Variants in ITSN1 observed in about 807,000 individuals in gnomAD.
The protein encoded by ITSN1 is intersectin 1, also known as intersectin-1.
In ITSN1, 58 loss-of-function variants were observed where a neutral mutation model predicts 239.8. The ratio of observed to expected loss-of-function variants is 0.24; its 90% CI spans 0.20 to 0.30. The LOEUF is 0.30. ITSN1 is among the 10% of genes least tolerant of loss of function. The probability of loss-of-function intolerance (pLI) is 1.00; values close to 1 mark genes in which losing one functional copy is unlikely to be tolerated. For missense variants in ITSN1, 1,558 were observed against 2,103.3 expected, an observed-to-expected ratio of 0.74 and a Z score of 5.07; for synonymous variants, 780 against 770.8, an observed-to-expected ratio of 1.01 and a Z score of -0.20.
chr21:33,829,893 G>A, intron 27 of ITSN1, 148 bp downstream of exon 27: 1 of 870,716 alleles, frequency 1.1e-6, no homozygotes, highest in Non-Finnish European at 1.7e-6. Flanking sequence ...AATTTTCTGT[G>A]TTTGTTTGGT....
At chr21:33,800,295 G>A (rs111929804) in intron 19 of ITSN1, among the ~76,000 whole-genome samples, 10 of 151,602 alleles carry the variant, frequency 6.6e-5, no homozygotes, top group African/African-American at 1.2e-4. Context: ...ACTAGTGTGC[G>A]TGTGTATATA....
At chr21:33,653,016 A>G (rs569314349) in intron 1 of ITSN1, among the ~76,000 whole-genome samples, 2 of 139,108 alleles carry the variant, frequency 1.4e-5, no homozygotes, top group Non-Finnish European at 3.1e-5. Context: ...TTTTTTTTTG[A>G]CAGAGTCGTG....
chr21:33,674,144 G>A (rs2090459836), intron 1 of ITSN1, among the ~76,000 whole-genome samples: 2 of 152,164 alleles, frequency 1.3e-5, no homozygotes, highest in African/African-American at 4.8e-5. Flanking sequence ...TTGAAGGCTT[G>A]CCATGTCTCT....
At chr21:33,698,265 T>G (rs2091880852) in intron 1 of ITSN1, among the ~76,000 whole-genome samples, 1 of 152,182 alleles carries the variant, frequency 6.6e-6, no homozygotes, top group African/African-American at 2.4e-5. Flanking sequence ...CCAAGTGATG[T>G]GCTGACAGCT....
At position 33,884,587 on chromosome 21, in the gene ITSN1, C is replaced by T. The variant is rs146796782; in HGVS notation, c.4677-454C>T. On this transcript the variant is annotated intron_variant, in intron 36 of 39. Coordinates refer to ENST00000381318, the MANE Select transcript of ITSN1 (RefSeq NM_003024.3). Reference sequence around the variant, plus strand: ...TCAGAAAAAATGAAGGAGAAAACCGCGGCCACAAATGCCTTCCCCCAAGGC... The same window carrying T: ...TCAGAAAAAATGAAGGAGAAAACCGTGGCCACAAATGCCTTCCCCCAAGGC... Among the ~76,000 whole-genome samples the T allele has an allele frequency of 1.9e-3, 282 of 152,320 alleles. 1 individual carries two copies. The highest frequency in any genetic ancestry group is 1.2e-3 in the Non-Finnish European group (85 of 68,032).
intron 1 of ITSN1, among the ~76,000 whole-genome samples, chr21:33,717,490 C>T (rs1027507405): frequency 2.6e-5 from 4 of 152,224 alleles, no homozygotes; most frequent in Admixed American, 2.0e-4. Context: ...AGCCACTGTG[C>T]CCAGTCAATA....
At chr21:33,665,844 G>A (rs1467996573) in intron 1 of ITSN1, among the ~76,000 whole-genome samples, 1 of 151,880 alleles carries the variant, frequency 6.6e-6, no homozygotes, top group African/African-American at 2.4e-5. Context: ...TACCTTGAAA[G>A]CATGTAGAAT....
At chr21:33,814,899 G>C (rs1181881973) in intron 22 of ITSN1, among the ~76,000 whole-genome samples, 1 of 152,178 alleles carries the variant, frequency 6.6e-6, no homozygotes, top group African/African-American at 2.4e-5. Context: ...AGGCGAGCAC[G>C]TGGGAGAGAC....
chr21:33,649,439 C>G (rs1005741271), intron 1 of ITSN1, among the ~76,000 whole-genome samples: 1 of 152,196 alleles, frequency 6.6e-6, no homozygotes, highest in Non-Finnish European at 1.5e-5. Context: ...CATCACTGCT[C>G]TTTCGGTGTT....
chr21:33,688,825 A>T (rs1439693058), intron 1 of ITSN1, among the ~76,000 whole-genome samples: 4 of 146,118 alleles, frequency 2.7e-5, no homozygotes, highest in African/African-American at 1.0e-4. Flanking sequence ...TTTTTTTTTG[A>T]GATGGAGTTT....
At chr21:33,739,921 G>A (rs2066740141) in intron 5 of ITSN1, among the ~76,000 whole-genome samples, 1 of 152,218 alleles carries the variant, frequency 6.6e-6, no homozygotes, top group South Asian at 2.1e-4. Flanking sequence ...TCAGTTAGGA[G>A]GCTTTTGCCA....
intron 27 of ITSN1, among the ~76,000 whole-genome samples, chr21:33,830,178 G>A (rs912185102): frequency 6.6e-6 from 1 of 152,184 alleles, no homozygotes; most frequent in African/African-American, 2.4e-5. Flanking sequence ...GCACGTGTGT[G>A]TGTGTGTATT....
chr21:33,817,147 A>AT, intron 22 of ITSN1: 7 of 1,204,592 alleles, frequency 5.8e-6, no homozygotes, highest in Non-Finnish European at 7.4e-6. Flanking sequence ...TTGGTGTTTC[A>AT]TTTTTTACTA....
intron 29 of ITSN1, among the ~76,000 whole-genome samples, chr21:33,847,996 C>A (rs1422799133): frequency 6.6e-6 from 1 of 152,176 alleles, no homozygotes; most frequent in African/African-American, 2.4e-5. Context: ...CCTTGCGTGA[C>A]CCCAGTGTGT....
In ITSN1 at chr21:33,780,217, A is replaced by G. The variant is rs561239053; in HGVS notation, c.1597-1244A>G. On this transcript the variant is annotated intron_variant, in intron 14 of 39. Transcript: ENST00000381318. ...TGTGTTTATTAAACTAAGTATTATCACCTAATACTATATGACCAAGTACAA... is the reference window on the plus strand; with the variant it reads ...TGTGTTTATTAAACTAAGTATTATCGCCTAATACTATATGACCAAGTACAA... 2.1e-4 allele frequency among the ~76,000 whole-genome samples: 32 copies of G among 152,322 alleles called. 1 individual carries two copies. The South Asian group carries it at 6.6e-3, about 32-fold the overall frequency.
rs1428154986 is a variant in ITSN1, at chr21:33,692,507, T to A, written c.-32-26290T>A. ...TCCTGTGATTTCCACTGGAGCAACA[T>A]ACTCAGGTTACAACACTGGGTAACA... On this transcript the variant is annotated intron_variant, in intron 1 of 39. Coordinates refer to ENST00000381318, the MANE Select transcript of ITSN1 (RefSeq NM_003024.3). 2.0e-5 allele frequency among the ~76,000 whole-genome samples: 3 copies of A among 152,228 alleles called. No homozygotes were observed. The East Asian group carries it at 5.8e-4, about 29-fold the overall frequency.
chr21:33,651,206 G>A (rs2088500611), intron 1 of ITSN1, among the ~76,000 whole-genome samples: 2 of 152,272 alleles, frequency 1.3e-5, no homozygotes, highest in African/African-American at 4.8e-5. Flanking sequence ...GACAGGTGGG[G>A]AGTGAAGGAG....
chr21:33,865,918 T>C lies in ITSN1; in HGVS notation c.4074+584T>C, dbSNP rs1396967211. Among the ~76,000 whole-genome samples the C allele has an allele frequency of 6.6e-6, 1 of 152,214 alleles. No homozygotes were observed. The highest frequency in any genetic ancestry group is 1.5e-5 in the Non-Finnish European group (1 of 68,028). ...GTAATGCGGATACTGCTGGAAGACCTGCAGCTCTGGGACTTGGCCTTGGCC... is the reference window on the plus strand; with the variant it reads ...GTAATGCGGATACTGCTGGAAGACCCGCAGCTCTGGGACTTGGCCTTGGCC... On this transcript the variant is annotated intron_variant, in intron 32 of 39. Transcript: ENST00000381318. This position sits in a 1 kb window ranked among gnomAD's most constrained non-coding sequence, Gnocchi z 4.4.
chr21:33,868,163 T>C (rs1270837226), intron 33 of ITSN1, among the ~76,000 whole-genome samples: 1 of 152,196 alleles, frequency 6.6e-6, no homozygotes, highest in Non-Finnish European at 1.5e-5. Flanking sequence ...TGGCCTGTTT[T>C]GACAGGGGGC....
Sources: allele counts gnomAD v4.1 joint callset (sites outside exome capture counted in the v4.1 genomes callset), GRCh38; gene constraint gnomAD v4.1.1; non-coding constraint Gnocchi (gnomAD v3.1); transcripts MANE v1.5; gene names NCBI Gene and HGNC (gene_info 2026-07-23, HGNC 2026-07-21).